The following ADAM32 variants were observed in gnomAD, a reference collection of about 807,000 sequenced individuals.
ADAM32 encodes disintegrin and metalloproteinase domain-containing protein 32.
Under a neutral mutation model 114.9 loss-of-function variants are expected in ADAM32, and 89 were observed. That is an observed-to-expected ratio of 0.77 (90% CI 0.65 to 0.92). The LOEUF (loss-of-function observed/expected upper bound fraction) is 0.92. Among genes scored for constraint, ADAM32 ranks in the 40% least tolerant of loss-of-function variants. ADAM32 has a pLI of 0.00. For synonymous variants in ADAM32, 285 were observed against 307.5 expected, an observed-to-expected ratio of 0.93 and a Z score of 0.77; for missense variants, 870 against 932.8, an observed-to-expected ratio of 0.93 and a Z score of 0.88.
chr8:39,231,558 A>G (rs1407404615), intron 14 of ADAM32, among the ~76,000 whole-genome samples: 1 of 152,150 alleles, frequency 6.6e-6, no homozygotes, highest in East Asian at 1.9e-4. Flanking sequence ...AATCCAATAT[A>G]ATGAAGGAAA....
Position 39,223,123 on chromosome 8 carries a change from A to G in ADAM32, c.1410A>G (p.Glu470=), listed in dbSNP as rs1462600958. Reference sequence around the variant, plus strand: ...AAAATTGTAATGGAACCTCACCAGAATGTGGTCCTGACATAACTTTAATCA... The same window carrying G: ...AAAATTGTAATGGAACCTCACCAGAGTGTGGTCCTGACATAACTTTAATCA... ...IAENCNGTSP[E]CGPDITLING... Residue 470 remains glutamate (E), a synonymous_variant, in exon 14 of 25, where the codon GAA becomes GAG. Transcript: ENST00000379907. 1 of 1,597,436 alleles carries G rather than the reference A, an allele frequency of 6.3e-7. No homozygotes were observed.
intron 11 of ADAM32, among the ~76,000 whole-genome samples, chr8:39,202,937 TG>T (rs144230228): frequency 0.71 from 108,069 of 151,924 alleles, 38,611 homozygotes; most frequent in Middle Eastern, 0.79. Flanking sequence ...TGTAGTTGGG[TG>T]GTTTTGAGTG....
At chr8:39,275,796 C>T (rs377287128) in intron 21 of ADAM32, 32 bp from the exon 22 acceptor site, 25 of 1,540,832 alleles carry the variant, frequency 1.6e-5, no homozygotes, top group Middle Eastern at 1.7e-4. Flanking sequence ...TAAGTATTAA[C>T]GTGGAAGCAT....
chr8:39,149,886 T>TTG lies in ADAM32; in HGVS notation c.353+20_353+21insGT. ...GACTAAGGTTGTTTTCTGTTGTTGA[T>TTG]TACAGAACACCTTAGTTATGATATT... On this transcript the variant is annotated intron_variant, in intron 5 of 24. Coordinates refer to ENST00000379907, the MANE Select transcript of ADAM32 (RefSeq NM_145004.7). 6.3e-7 allele frequency: 1 copy of TTG among 1,575,776 alleles called. No individual in the cohort carries two copies. Among genetic ancestry groups the TTG allele is most frequent in the Non-Finnish European group, 8.7e-7 (1 of 1,149,120 alleles).
rs901607314 is a variant in ADAM32, at chr8:39,252,377, C to T, written c.1903-2037C>T. Among the ~76,000 whole-genome samples the T allele has an allele frequency of 4.9e-5, 7 of 143,394 alleles. No homozygotes were observed. The South Asian group carries it at 6.6e-4, about 13-fold the overall frequency. The allele number at this position is 143,394 out of a possible 152,430, so 94.1% of individuals were successfully genotyped here. On this transcript the variant is annotated intron_variant, in intron 17 of 24. Coordinates refer to ENST00000379907, the MANE Select transcript of ADAM32 (RefSeq NM_145004.7). ...CATTGGGCTAAACAACAAATCAAAACGGAAATTAGAAAATATCTCAAGACA... is the reference window on the plus strand; with the variant it reads ...CATTGGGCTAAACAACAAATCAAAATGGAAATTAGAAAATATCTCAAGACA...
chr8:39,160,886 C>T lies in ADAM32; in HGVS notation c.526-11C>T. 6.4e-7 allele frequency: 1 copy of T among 1,573,084 alleles called. No individual in the cohort carries two copies. The highest frequency in any genetic ancestry group is 1.2e-5 in the South Asian group (1 of 82,206). On this transcript the variant is annotated splice_polypyrimidine_tract_variant and intron_variant, in intron 6 of 24. Coordinates refer to ENST00000379907, the MANE Select transcript of ADAM32 (RefSeq NM_145004.7). ...TTTTCATGTATTATATGCTGTTTTC[C>T]TTTTTTCTAGTCAGAACCAGCTGTT...
chr8:39,202,432 T>C (rs1271216063), intron 11 of ADAM32, among the ~76,000 whole-genome samples: 1 of 152,222 alleles, frequency 6.6e-6, no homozygotes, highest in African/African-American at 2.4e-5. Context: ...TTTATAGTAT[T>C]CTCTGATGTT....
intron 1 of ADAM32, 53 bp from the exon 2 acceptor site, chr8:39,118,033 T>G (rs1412279898): frequency 5.2e-6 from 6 of 1,164,500 alleles, no homozygotes; most frequent in African/African-American, 1.6e-5. Context: ...TGAACAGATA[T>G]TTAATCAAAT....
intron 2 of ADAM32, among the ~76,000 whole-genome samples, chr8:39,128,588 G>T (rs1802250428): frequency 6.6e-6 from 1 of 152,156 alleles, no homozygotes; most frequent in Non-Finnish European, 1.5e-5. Context: ...TTACAGACTT[G>T]TTTATGCAGT....
At chr8:39,144,166 C>T (rs772015511) in intron 3 of ADAM32, among the ~76,000 whole-genome samples, 5 of 152,154 alleles carry the variant, frequency 3.3e-5, no homozygotes, top group African/African-American at 4.8e-5. Flanking sequence ...TCCCCTGACC[C>T]CTTGAGCTTC....
At chr8:39,206,575 G>C (rs1474921943) in intron 11 of ADAM32, among the ~76,000 whole-genome samples, 1 of 152,240 alleles carries the variant, frequency 6.6e-6, no homozygotes, top group Non-Finnish European at 1.5e-5. Flanking sequence ...GTTGCTGTCA[G>C]TTGCAGCAGA....
At chr8:39,275,383 T>C (rs1813010054) in intron 21 of ADAM32, among the ~76,000 whole-genome samples, 2 of 152,214 alleles carry the variant, frequency 1.3e-5, no homozygotes, top group African/African-American at 4.8e-5. Flanking sequence ...TGTGTTGTTT[T>C]GCACTATTTC....
At chr8:39,111,003 CT>C (rs934111198) in intron 1 of ADAM32, among the ~76,000 whole-genome samples, 6 of 152,284 alleles carry the variant, frequency 3.9e-5, no homozygotes, top group South Asian at 2.1e-4. Flanking sequence ...AAAATATGAC[CT>C]TTTTTGTCTG....
intron 2 of ADAM32, among the ~76,000 whole-genome samples, chr8:39,121,643 A>G (rs567305284): frequency 3.9e-5 from 6 of 152,186 alleles, no homozygotes; most frequent in South Asian, 2.1e-4. Context: ...CAATTCAGAG[A>G]TCATCAGGGC....
intron 11 of ADAM32, among the ~76,000 whole-genome samples, chr8:39,209,539 T>C (rs532374659): frequency 1.3e-5 from 2 of 152,334 alleles, no homozygotes; most frequent in East Asian, 1.9e-4. Context: ...TGCTTGTGGA[T>C]GTATCTGGGC....
chr8:39,112,807 A>G (rs1046650692), intron 1 of ADAM32, among the ~76,000 whole-genome samples: 5 of 152,226 alleles, frequency 3.3e-5, no homozygotes, highest in African/African-American at 1.2e-4. Flanking sequence ...GGGACTATCT[A>G]TAGAGATGTG....
chr8:39,187,027 T>C lies in ADAM32; in HGVS notation c.1034T>C (p.Ile345Thr), dbSNP rs753326244. The change falls in exon 11 of 25, where the codon ATA becomes ACA. Residue 345 changes from isoleucine to threonine, a missense_variant. Coordinates refer to ENST00000379907, the MANE Select transcript of ADAM32 (RefSeq NM_145004.7). ...TGTCAATGTTCAGAATCCACCTGTATAATGAATCCAGAAGTTGTGTAAGTT... is the reference window on the plus strand; with the variant it reads ...TGTCAATGTTCAGAATCCACCTGTACAATGAATCCAGAAGTTGTGTAAGTT... ...KKCQCSESTC[I>T]MNPEVVQSNG... 1 of 1,609,074 alleles carries C rather than the reference T, an allele frequency of 6.2e-7. No individual in the cohort carries two copies. The highest frequency in any genetic ancestry group is 8.5e-7 in the Non-Finnish European group (1 of 1,178,174).
intron 12 of ADAM32, among the ~76,000 whole-genome samples, chr8:39,211,824 T>G (rs535397172): frequency 4.8e-4 from 73 of 152,272 alleles, no homozygotes; most frequent in South Asian, 8.3e-4. Context: ...TTTATATAAT[T>G]CAGTATTTGT....
chr8:39,257,454 G>A, intron 19 of ADAM32, 111 bp downstream of exon 19: 3 of 1,248,106 alleles, frequency 2.4e-6, no homozygotes, highest in Non-Finnish European at 3.3e-6. Context: ...GGGATTTTGA[G>A]TATTACATCA....
Sources: gnomAD v4.1 joint callset for allele counts (sites outside exome capture counted in the v4.1 genomes callset) on GRCh38, gnomAD v4.1.1 for gene constraint, MANE v1.5 for transcripts, NCBI Gene and HGNC (gene_info 2026-07-23, HGNC 2026-07-21) for gene names.